INPP5D: variants seen among roughly 807,000 people sequenced by gnomAD.
INPP5D encodes the protein phosphatidylinositol 3,4,5-trisphosphate 5-phosphatase 1.
Under a neutral mutation model 122.9 loss-of-function variants are expected in INPP5D, and 33 were observed. That is an observed-to-expected ratio of 0.27 (90% CI 0.20 to 0.36). INPP5D has a LOEUF of 0.36. Among genes scored for constraint, INPP5D ranks in the 10% least tolerant of loss-of-function variants. The pLI is 1.00. For synonymous variants in INPP5D, 584 were observed against 576.2 expected (o/e 1.01, Z -0.19); for missense variants, 1,053 against 1,412.7 (o/e 0.75, Z 4.08).
intron 25 of INPP5D, among the ~76,000 whole-genome samples, chr2:233,201,581 T>C (rs1695343362): frequency 6.6e-6 from 1 of 152,216 alleles, no homozygotes; most frequent in Non-Finnish European, 1.5e-5. Context: ...AAGGGGGTGT[T>C]CCAAGCACCA....
intron 2 of INPP5D, 88 bp from the exon 3 acceptor site, chr2:233,122,019 T>C (rs981661474): frequency 2.2e-5 from 32 of 1,486,870 alleles, no homozygotes; most frequent in Admixed American, 3.5e-5. Context: ...TCCCTCCGCC[T>C]CGCTGGTCTC....
intron 1 of INPP5D, among the ~76,000 whole-genome samples, chr2:233,063,869 G>A (rs771433506): frequency 2.6e-5 from 4 of 152,242 alleles, no homozygotes; most frequent in African/African-American, 7.2e-5. Flanking sequence ...GCCCTGCTCC[G>A]GGGGGAGTCT....
rs1694448890 is a variant in INPP5D at position 233,169,971 on chromosome 2, A to G, written c.1653-55A>G. On this transcript the variant is annotated intron_variant, in intron 14 of 26. Coordinates refer to ENST00000445964, the MANE Select transcript of INPP5D (RefSeq NM_001017915.3). ...TATGGCAGGAGTGACTTCCTGCCAC[A>G]GTGGAGGGGGAACCAGTGACCCCGT... 8.1e-6 allele frequency: 13 copies of G among 1,610,454 alleles called. No individual in the cohort carries two copies. In the South Asian group the frequency reaches 1.3e-4, roughly 16 times the overall value.
chr2:233,097,738 G>T (rs1692185444), intron 2 of INPP5D, among the ~76,000 whole-genome samples: 1 of 152,112 alleles, frequency 6.6e-6, no homozygotes, highest in Non-Finnish European at 1.5e-5. Context: ...CTAGGTAAAT[G>T]ATCTTGTTTT....
chr2:233,070,456 TTC>T (rs56280820), intron 1 of INPP5D, among the ~76,000 whole-genome samples: 9,734 of 141,418 alleles, frequency 0.069, 370 homozygotes, highest in Middle Eastern at 0.14. Context: ...TTTTTTTTTT[TTC>T]GAGATGGTGT....
intron 2 of INPP5D, among the ~76,000 whole-genome samples, chr2:233,094,528 A>C (rs1349007871): frequency 1.3e-5 from 2 of 150,346 alleles, no homozygotes; most frequent in African/African-American, 4.9e-5. Context: ...AAAAAAAAAA[A>C]AAAAAAAAAA....
At chr2:233,185,482 A>G (rs925474676) in intron 20 of INPP5D, among the ~76,000 whole-genome samples, 4 of 152,072 alleles carry the variant, frequency 2.6e-5, no homozygotes, top group African/African-American at 7.2e-5. Flanking sequence ...TAGAATTTCA[A>G]AAGGCTGCTA....
rs139160444 is a variant in INPP5D at position 233,125,989 on chromosome 2, T to G, written c.524+70T>G. The G allele has an allele frequency of 6.2e-4, 927 of 1,484,364 alleles. 12 individuals are homozygous for G. In the African/African-American group the frequency reaches 0.011, roughly 18 times the overall value. 91.9% of individuals were successfully genotyped at this position (1,484,364 alleles called of 1,614,324 possible). On this transcript the variant is annotated intron_variant, in intron 4 of 26. Transcript: ENST00000445964. ...CCCAGCCAGGGCAGGGCTGGATGGC[T>G]TGGGTTTCGATCCTAGTTATGGGCC...
intron 25 of INPP5D, among the ~76,000 whole-genome samples, chr2:233,203,016 G>A (rs186064306): frequency 5.9e-5 from 9 of 152,330 alleles, no homozygotes; most frequent in South Asian, 2.1e-4. Context: ...CCAGGGAGAG[G>A]ACTTCATGTG....
Position 233,197,077 on chromosome 2 carries a change from A to T in INPP5D, c.2694-1018A>T, listed in dbSNP as rs1157895124. Among the ~76,000 whole-genome samples the T allele has an allele frequency of 3.3e-5, 5 of 152,204 alleles. No homozygotes were observed. The highest frequency in any genetic ancestry group is 1.5e-5 in the Non-Finnish European group (1 of 68,034). ...CATTTTGACTAGCATGAGAACGAGC[A>T]TTTATTTCTGAAGCAGGCAGTGGTG... On this transcript the variant is annotated intron_variant, in intron 24 of 26. Coordinates refer to ENST00000445964, the MANE Select transcript of INPP5D (RefSeq NM_001017915.3). The surrounding 1 kb of genome is among the most constrained non-coding windows in gnomAD (Gnocchi z 4.4).
At chr2:233,077,957 C>T (rs1011628389) in intron 1 of INPP5D, among the ~76,000 whole-genome samples, 10 of 152,068 alleles carry the variant, frequency 6.6e-5, no homozygotes, top group Non-Finnish European at 2.9e-5. Context: ...GTGTGTGGAG[C>T]TTCTACACTG....
At chr2:233,103,333 T>C (rs1317183677) in intron 2 of INPP5D, among the ~76,000 whole-genome samples, 2 of 152,230 alleles carry the variant, frequency 1.3e-5, no homozygotes, top group African/African-American at 4.8e-5. Flanking sequence ...TATGCTCATA[T>C]TTAATTTGCC....
intron 9 of INPP5D, among the ~76,000 whole-genome samples, chr2:233,157,251 A>G (rs1244821254): frequency 6.6e-6 from 1 of 152,194 alleles, no homozygotes; most frequent in Admixed American, 6.5e-5. Context: ...CGAGAGAGAG[A>G]AACGTATTCC....
intron 13 of INPP5D, among the ~76,000 whole-genome samples, chr2:233,167,539 C>A (rs1297366367): frequency 6.6e-6 from 1 of 152,154 alleles, no homozygotes; most frequent in East Asian, 1.9e-4. Context: ...TTGCTCAGTT[C>A]CAGGTCACCC....
At chr2:233,069,321 G>C (rs1691314951) in intron 1 of INPP5D, among the ~76,000 whole-genome samples, 1 of 152,138 alleles carries the variant, frequency 6.6e-6, no homozygotes, top group Admixed American at 6.5e-5. Flanking sequence ...AAATAGATCT[G>C]ATAAACAGCA....
At chr2:233,138,690 A>G (rs1285427494) in intron 5 of INPP5D, among the ~76,000 whole-genome samples, 1 of 152,096 alleles carries the variant, frequency 6.6e-6, no homozygotes, top group Non-Finnish European at 1.5e-5. Flanking sequence ...AAATTAGAAA[A>G]GCTATATGAA....
chr2:233,153,331 G>A (rs36180389), intron 9 of INPP5D, among the ~76,000 whole-genome samples: 77,209 of 152,014 alleles, frequency 0.51, 20,242 homozygotes, highest in East Asian at 0.66. Flanking sequence ...TGCTTACTGA[G>A]GTGCAGACGA....
intron 17 of INPP5D, among the ~76,000 whole-genome samples, chr2:233,174,180 G>A (rs895039163): frequency 7.9e-5 from 12 of 152,156 alleles, no homozygotes; most frequent in Admixed American, 3.9e-4. Context: ...AAATAATATC[G>A]TAAACACGGA....
At chr2:233,153,543 G>T (rs1693976209) in intron 9 of INPP5D, among the ~76,000 whole-genome samples, 1 of 152,172 alleles carries the variant, frequency 6.6e-6, no homozygotes, top group Non-Finnish European at 1.5e-5. Flanking sequence ...GCAGGTGGAA[G>T]AAAAAACAGA....
Sources: gnomAD v4.1 joint callset for allele counts (sites outside exome capture counted in the v4.1 genomes callset) on GRCh38, gnomAD v4.1.1 for gene constraint, Gnocchi (gnomAD v3.1) non-coding constraint, MANE v1.5 for transcripts, NCBI Gene and HGNC (gene_info 2026-07-23, HGNC 2026-07-21) for gene names.